HSPA12A: variants seen among roughly 807,000 people sequenced by gnomAD.
HSPA12A encodes the protein heat shock protein family A (Hsp70) member 12A.
In HSPA12A, 28 loss-of-function variants were observed where a neutral mutation model predicts 69.2. That is an observed-to-expected ratio of 0.40 (90% CI 0.30 to 0.55). HSPA12A has a LOEUF of 0.55. Ranked by LOEUF, HSPA12A falls within the 20% of genes least tolerant of loss-of-function variation. The probability of loss-of-function intolerance (pLI) is 0.38; values close to 1 mark genes in which losing one functional copy is unlikely to be tolerated. For missense variants in HSPA12A, 686 were observed against 900.7 expected, an observed-to-expected ratio of 0.76 and a Z score of 3.05; for synonymous variants, 345 against 370.5, an observed-to-expected ratio of 0.93 and a Z score of 0.79.
At chr10:116,823,205 C>T (rs1436222291) in intron 2 of HSPA12A, among the ~76,000 whole-genome samples, 1 of 152,160 alleles carries the variant, frequency 6.6e-6, no homozygotes, top group East Asian at 1.9e-4. Context: ...ATTCCCTTTA[C>T]AATAGCATCA....
At chr10:116,737,671 G>A (rs1489289386) in intron 1 of HSPA12A, among the ~76,000 whole-genome samples, 3 of 152,184 alleles carry the variant, frequency 2.0e-5, no homozygotes, top group African/African-American at 7.2e-5. Context: ...CTAAAATCAA[G>A]GCAAAAACTC....
At chr10:116,777,686 C>T (rs145645559) in intron 2 of HSPA12A, among the ~76,000 whole-genome samples, 2 of 152,352 alleles carry the variant, frequency 1.3e-5, no homozygotes, top group African/African-American at 2.4e-5. Context: ...TTAAGTGCAT[C>T]GACAATAGTC....
At chr10:116,839,487 C>T (rs1845768984) in intron 1 of HSPA12A, among the ~76,000 whole-genome samples, 1 of 151,886 alleles carries the variant, frequency 6.6e-6, no homozygotes, top group Non-Finnish European at 1.5e-5. Context: ...AGCTCCATTC[C>T]TCCAGTAATA....
chr10:116,785,112 G>A (rs188317236), intron 2 of HSPA12A, among the ~76,000 whole-genome samples: 343 of 152,258 alleles, frequency 2.3e-3, no homozygotes, highest in African/African-American at 5.3e-3. Flanking sequence ...TGGGAGGGGC[G>A]TCCTGGAAAC....
chr10:116,734,851 G>T (rs1191928425), intron 1 of HSPA12A, among the ~76,000 whole-genome samples: 1 of 152,002 alleles, frequency 6.6e-6, no homozygotes, highest in South Asian at 2.1e-4. Flanking sequence ...AATTAGCCAG[G>T]CGTGGTGGTG....
At chr10:116,719,150 G>A (rs1396449406) in intron 1 of HSPA12A, among the ~76,000 whole-genome samples, 1 of 152,172 alleles carries the variant, frequency 6.6e-6, no homozygotes, top group Non-Finnish European at 1.5e-5. Flanking sequence ...TTTGGGGTGT[G>A]ATCCCTCCTG....
At chr10:116,761,355 G>T (rs540166134) in intron 2 of HSPA12A, among the ~76,000 whole-genome samples, 1 of 151,858 alleles carries the variant, frequency 6.6e-6, no homozygotes, top group African/African-American at 2.4e-5. Context: ...GCATAGTGGC[G>T]CACACCTGTA....
intron 1 of HSPA12A, among the ~76,000 whole-genome samples, chr10:116,844,762 G>A (rs970131387): frequency 1.3e-5 from 2 of 152,110 alleles, no homozygotes; most frequent in African/African-American, 2.4e-5. Flanking sequence ...GCACTTGATA[G>A]CAACCCCAAA....
At chr10:116,780,610 T>A (rs1229029291) in intron 2 of HSPA12A, among the ~76,000 whole-genome samples, 1 of 152,172 alleles carries the variant, frequency 6.6e-6, no homozygotes, top group Non-Finnish European at 1.5e-5. Context: ...ATAATGTTTT[T>A]AAATGCATAA....
chr10:116,681,055 T>A, intron 9 of HSPA12A, 97 bp downstream of exon 9: 1 of 810,034 alleles, frequency 1.2e-6, no homozygotes, highest in Non-Finnish European at 2.1e-6. Context: ...GTTAGTGGCA[T>A]TCAAGAGAAT....
chr10:116,767,257 C>T, intron 2 of HSPA12A, among the ~76,000 whole-genome samples: 1 of 152,196 alleles, frequency 6.6e-6, no homozygotes, highest in East Asian at 1.9e-4. Flanking sequence ...GCCACGGAGA[C>T]TGGAAGAGGC....
intron 2 of HSPA12A, among the ~76,000 whole-genome samples, chr10:116,818,224 G>A (rs775132888): frequency 6.6e-6 from 1 of 152,216 alleles, no homozygotes. Flanking sequence ...TGGCATATGA[G>A]CTTGGTCACA....
chr10:116,773,486 G>A (rs11197816), intron 2 of HSPA12A, among the ~76,000 whole-genome samples: 316 of 152,282 alleles, frequency 2.1e-3, no homozygotes, highest in Non-Finnish European at 3.5e-3. Context: ...AGCTCCCAGC[G>A]GGTTTCGAGA....
At chr10:116,849,521 C>A in intron 1 of HSPA12A, 2 of 1,457,276 alleles carry the variant, frequency 1.4e-6, no homozygotes, top group South Asian at 2.9e-5. Context: ...CAGGGACGCT[C>A]GTGGGACCCC....
rs557836339 is a variant in HSPA12A, at chr10:116,724,519, T to A, written c.41-17234A>T. On this transcript the variant is annotated intron_variant, in intron 1 of 11. Transcript: ENST00000369209. ...GCTGGATTTTGTGACAGCCCCTCTG[T>A]GAGCTTTGTCTCAATATGCCTGGCC... Among the ~76,000 whole-genome samples, 3 of 152,246 alleles carry A rather than the reference T, an allele frequency of 2.0e-5. No individual in the cohort carries two copies. In the South Asian group the frequency reaches 6.2e-4, roughly 32 times the overall value.
intron 2 of HSPA12A, among the ~76,000 whole-genome samples, chr10:116,760,733 T>G (rs1181977062): frequency 6.6e-6 from 1 of 152,236 alleles, no homozygotes; most frequent in Non-Finnish European, 1.5e-5. Flanking sequence ...CAGAATGATA[T>G]TTGTGAAAGT....
chr10:116,848,762 G>A (rs1311364640), intron 1 of HSPA12A, among the ~76,000 whole-genome samples: 2 of 152,088 alleles, frequency 1.3e-5, no homozygotes, highest in African/African-American at 2.4e-5. Flanking sequence ...CCCCATTTCC[G>A]TTTTACCTCC....
chr10:116,747,735 A>G (rs572638506), intron 2 of HSPA12A, among the ~76,000 whole-genome samples: 3 of 152,176 alleles, frequency 2.0e-5, no homozygotes, highest in Non-Finnish European at 4.4e-5. Flanking sequence ...ATGGTGGCTC[A>G]TGCCTGTAAT....
chr10:116,745,578 A>C (rs571256814), upstream of HSPA12A, among the ~76,000 whole-genome samples: 1 of 152,288 alleles, frequency 6.6e-6, no homozygotes, highest in East Asian at 1.9e-4. Context: ...GCCCAGAGCC[A>C]AGTGACCACC....
Sources: allele counts gnomAD v4.1 joint callset (sites outside exome capture counted in the v4.1 genomes callset), GRCh38; gene constraint gnomAD v4.1.1; transcripts MANE v1.5; gene names NCBI Gene and HGNC (gene_info 2026-07-23, HGNC 2026-07-21).